Variants in GABBR1 observed in about 807,000 individuals in gnomAD.
GABBR1 encodes the protein gamma-aminobutyric acid type B receptor subunit 1, also known as GABA-B receptor, R1 subunit.
A neutral mutation model predicts 117.7 loss-of-function variants in GABBR1; 35 were observed. The ratio of observed to expected loss-of-function variants is 0.30; its 90% CI spans 0.23 to 0.39. The LOEUF (loss-of-function observed/expected upper bound fraction) is 0.39, where lower values mean the gene tolerates loss of function less well. Ranked by LOEUF, GABBR1 falls within the 10% of genes least tolerant of loss-of-function variation. The pLI is 1.00. For missense variants in GABBR1, 709 were observed against 1,241.8 expected (o/e 0.57, Z 6.45); for synonymous variants, 442 against 486.6 (o/e 0.91, Z 1.21).
chr6:29,623,851 G>A lies in GABBR1; in HGVS notation c.792+39C>T, dbSNP rs1186273569. 2 of 1,601,364 alleles carry A rather than the reference G, an allele frequency of 1.2e-6. No homozygotes were observed. Among genetic ancestry groups the A allele is most frequent in the Non-Finnish European group, 1.7e-6 (2 of 1,173,792 alleles). On this transcript the variant is annotated intron_variant, in intron 7 of 22. Coordinates refer to ENST00000377034, the MANE Select transcript of GABBR1 (RefSeq NM_001470.4). This position sits in a 1 kb window ranked among gnomAD's most constrained non-coding sequence, Gnocchi z 6.2. ...TCGTCCCTTCAGTAGAGCTCAAAAG[G>A]GAATGACCCCATCTTCTGACCCCCA...
chr6:29,608,754 G>A (rs1762224358), intron 15 of GABBR1, 21 bp from the exon 16 acceptor site: 2 of 1,610,242 alleles, frequency 1.2e-6, no homozygotes, highest in South Asian at 2.2e-5. Flanking sequence ...GGTGGAGAGG[G>A]TGAGAGGGAG....
intron 6 of GABBR1, 154 bp from the exon 7 acceptor site, chr6:29,624,178 C>T: frequency 1.4e-6 from 1 of 739,474 alleles, no homozygotes; most frequent in Non-Finnish European, 2.1e-6. Flanking sequence ...GCATCTCTTC[C>T]TGTCAAGTGC....
Position 29,606,078 on chromosome 6 carries a change from T to C in GABBR1, c.2311+313A>G. On this transcript the variant is annotated intron_variant, in intron 19 of 22. Transcript: ENST00000377034. The surrounding 1 kb of genome is among the most constrained non-coding windows in gnomAD (Gnocchi z 4.5). ...TTTGTGACCATGAATCGAACAATGC[T>C]AATAAGGCCAAGGGGGATCTAAAAG... 1 of 537,092 alleles carries C rather than the reference T, an allele frequency of 1.9e-6. No homozygotes were observed. Among genetic ancestry groups the C allele is most frequent in the East Asian group, 3.0e-5 (1 of 33,134 alleles). 33.3% of individuals were successfully genotyped at this position (537,092 alleles called of 1,614,324 possible).
At position 29,621,359 on chromosome 6, in the gene GABBR1, G is replaced by C; in HGVS notation, c.1132-67C>G. On this transcript the variant is annotated intron_variant, in intron 10 of 22. Transcript: ENST00000377034. The surrounding 1 kb of genome is among the most constrained non-coding windows in gnomAD (Gnocchi z 5.0). Reference sequence around the variant, plus strand: ...TGTTTGTTTTTGTCTTATCTCACTTGATACTATTTAGCCTCTTGGGAATCA... The same window carrying C: ...TGTTTGTTTTTGTCTTATCTCACTTCATACTATTTAGCCTCTTGGGAATCA... 7.7e-7 allele frequency: 1 copy of C among 1,293,444 alleles called. No homozygotes were observed. Among genetic ancestry groups the C allele is most frequent in the Admixed American group, 1.9e-5 (1 of 52,116 alleles). 80.1% of individuals were successfully genotyped at this position (1,293,444 alleles called of 1,614,324 possible).
At chr6:29,610,632 G>C (rs1762441641) in intron 14 of GABBR1, among the ~76,000 whole-genome samples, 1 of 151,958 alleles carries the variant, frequency 6.6e-6, no homozygotes, top group African/African-American at 2.4e-5. Context: ...AACCCAAATG[G>C]AGTTTCCATT....
In GABBR1 at chr6:29,632,780, A is replaced by T; in HGVS notation, c.-1+70T>A. The T allele has an allele frequency of 1.3e-6, 1 of 762,474 alleles. No homozygotes were observed. The highest frequency in any genetic ancestry group is 1.6e-6 in the Non-Finnish European group (1 of 631,950). 47.2% of individuals were successfully genotyped at this position (762,474 alleles called of 1,614,324 possible). ...CTTCCCCCAGCTGGGCCCTGCGCCCACTGCCCCCTCCCCCACCACGCCGCG... is the reference window on the plus strand; with the variant it reads ...CTTCCCCCAGCTGGGCCCTGCGCCCTCTGCCCCCTCCCCCACCACGCCGCG... On this transcript the variant is annotated intron_variant, in intron 1 of 22. Transcript: ENST00000377034. The surrounding 1 kb of genome is among the most constrained non-coding windows in gnomAD (Gnocchi z 5.8).
Position 29,605,061 on chromosome 6 carries a change from G to A in GABBR1, c.2440-73C>T. On this transcript the variant is annotated intron_variant, in intron 20 of 22. Transcript: ENST00000377034. The surrounding 1 kb of genome is among the most constrained non-coding windows in gnomAD (Gnocchi z 4.2). ...CAAGATCCAGAGTTTACTTCCCATG[G>A]GAGGGAGTCTATGCAGACAGTTTCC... 1 of 1,459,892 alleles carries A rather than the reference G, an allele frequency of 6.8e-7. No individual in the cohort carries two copies. Among genetic ancestry groups the A allele is most frequent in the Non-Finnish European group, 9.2e-7 (1 of 1,088,976 alleles). 90.4% of individuals were successfully genotyped at this position (1,459,892 alleles called of 1,614,324 possible). A position where few individuals can be genotyped will look rare whatever the true frequency, so the allele number is the denominator to read the frequency against.
chr6:29,627,444 CGCAAGCCCCCACCTCCCA>C lies in GABBR1; in HGVS notation c.657+24_657+41del. 1 of 1,385,576 alleles carries C rather than the reference CGCAAGCCCCCACCTCCCA, an allele frequency of 7.2e-7. No individual in the cohort carries two copies. Among genetic ancestry groups the C allele is most frequent in the Non-Finnish European group, 1.0e-6 (1 of 1,004,164 alleles). The allele number at this position is 1,385,576 out of a possible 1,614,324, so 85.8% of individuals were successfully genotyped here. A position where few individuals can be genotyped will look rare whatever the true frequency, so the allele number is the denominator to read the frequency against. On this transcript the variant is annotated intron_variant, in intron 6 of 22. Transcript: ENST00000377034. This position sits in a 1 kb window ranked among gnomAD's most constrained non-coding sequence, Gnocchi z 4.4. ...CGTGCAGCTGGCTGGCCCCCTGCCCCGCAAGCCCCCACCTCCCACCCACCCCCATGTCCAGGGCTACCT... is the reference window on the plus strand; with the variant it reads ...CGTGCAGCTGGCTGGCCCCCTGCCCCCCCACCCCCATGTCCAGGGCTACCT...
rs76922888 is a variant in GABBR1 at position 29,632,353 on chromosome 6, G to T, written c.33C>A (p.Phe11Leu). ...CCCCGCCCGCGCCCGGGGGGCGGAG[G>T]AAGAGTGGCGCCAGTAGCAGCAGCA... MLLLLLLAPL[F>L]LRPPGAGGAQ... is the part of the protein sequence containing the mutation. The change falls in exon 2 of 23, where the codon TTC becomes TTA. Residue 11 changes from phenylalanine to leucine, a missense_variant. Physicochemically the swap from Phe to Leu is conservative, Grantham distance 22. This residue lies in a region of GABBR1 where 43 missense variants were observed against 42.8 expected (regional missense o/e 1.00). Transcript: ENST00000377034. The surrounding 1 kb of genome is among the most constrained non-coding windows in gnomAD (Gnocchi z 5.8). 5 of 1,360,308 alleles carry T rather than the reference G, an allele frequency of 3.7e-6. No individual in the cohort carries two copies. The highest frequency in any genetic ancestry group is 4.8e-6 in the Non-Finnish European group (5 of 1,052,086). 84.3% of individuals were successfully genotyped at this position (1,360,308 alleles called of 1,614,324 possible). A position where few individuals can be genotyped will look rare whatever the true frequency, so the allele number is the denominator to read the frequency against.
chr6:29,627,762 C>G lies in GABBR1; in HGVS notation c.497-116G>C. On this transcript the variant is annotated intron_variant, in intron 5 of 22. Transcript: ENST00000377034. This position sits in a 1 kb window ranked among gnomAD's most constrained non-coding sequence, Gnocchi z 4.4. ...CAACCAGAAGCGGCAGTGGCCACCC[C>G]ACCCGGGCAAAAGGGGCCCCGGGCC... 2 of 1,479,368 alleles carry G rather than the reference C, an allele frequency of 1.4e-6. No homozygotes were observed. The highest frequency in any genetic ancestry group is 1.8e-6 in the Non-Finnish European group (2 of 1,120,804). 91.6% of individuals were successfully genotyped at this position (1,479,368 alleles called of 1,614,324 possible).
At position 29,606,093 on chromosome 6, in the gene GABBR1, G is replaced by T. The variant is rs1181391267; in HGVS notation, c.2311+298C>A. 3 of 545,190 alleles carry T rather than the reference G, an allele frequency of 5.5e-6. No homozygotes were observed. The highest frequency in any genetic ancestry group is 1.9e-5 in the African/African-American group (1 of 53,258). The allele number at this position is 545,190 out of a possible 1,614,324, so 33.8% of individuals were successfully genotyped here. ...CGAACAATGCTAATAAGGCCAAGGG[G>T]GATCTAAAAGATAATGTCAAGTCTG... is the stretch of plus-strand genomic sequence containing the variant. On this transcript the variant is annotated intron_variant, in intron 19 of 22. Coordinates refer to ENST00000377034, the MANE Select transcript of GABBR1 (RefSeq NM_001470.4). The surrounding 1 kb of genome is among the most constrained non-coding windows in gnomAD (Gnocchi z 4.5).
rs1762319017 is a variant in GABBR1 at position 29,609,561 on chromosome 6, C to T, written c.1709-182G>A. On this transcript the variant is annotated intron_variant, in intron 14 of 22. Transcript: ENST00000377034. The surrounding 1 kb of genome is among the most constrained non-coding windows in gnomAD (Gnocchi z 4.3). The stretch of plus-strand genomic sequence containing the variant: ...GTTACTGCAGGCAGAATGCTCAGTG[C>T]CACTGGGGCCGTTAGGAAGCAACCA... Among the ~76,000 whole-genome samples, 1 of 152,182 alleles carries T rather than the reference C, an allele frequency of 6.6e-6. No individual in the cohort carries two copies. Among genetic ancestry groups the T allele is most frequent in the Non-Finnish European group, 1.5e-5 (1 of 68,034 alleles).
Position 29,605,137 on chromosome 6 carries a change from A to G in GABBR1, c.2440-149T>C. ...TCCAAATTCAGGATCATCCTCAAAT[A>G]TAGATTGAGAAAAATCTCAAACTGT... On this transcript the variant is annotated intron_variant, in intron 20 of 22. Coordinates refer to ENST00000377034, the MANE Select transcript of GABBR1 (RefSeq NM_001470.4). The surrounding 1 kb of genome is among the most constrained non-coding windows in gnomAD (Gnocchi z 4.2). 1.2e-6 allele frequency: 1 copy of G among 848,162 alleles called. No individual in the cohort carries two copies. Among genetic ancestry groups the G allele is most frequent in the Non-Finnish European group, 1.8e-6 (1 of 566,588 alleles). 52.5% of individuals were successfully genotyped at this position (848,162 alleles called of 1,614,324 possible). A position where few individuals can be genotyped will look rare whatever the true frequency, so the allele number is the denominator to read the frequency against.
In GABBR1 at chr6:29,624,045, A is replaced by C. The variant is rs761874391; in HGVS notation, c.658-21T>G. ...TCACACTGAAAGACAAGAGGAGATGAGGGCAAGCTCTCCTGGGGCCCCTCC... is the reference window on the plus strand; with the variant it reads ...TCACACTGAAAGACAAGAGGAGATGCGGGCAAGCTCTCCTGGGGCCCCTCC... On this transcript the variant is annotated intron_variant, in intron 6 of 22. Transcript: ENST00000377034. The C allele has an allele frequency of 3.1e-6, 5 of 1,595,918 alleles. No homozygotes were observed. In the African/African-American group the frequency reaches 6.7e-5, roughly 21 times the overall value.
rs1763834189 is a variant in GABBR1, at chr6:29,622,269, A to G, written c.964-64T>C. On this transcript the variant is annotated intron_variant, in intron 8 of 22. Coordinates refer to ENST00000377034, the MANE Select transcript of GABBR1 (RefSeq NM_001470.4). This position sits in a 1 kb window ranked among gnomAD's most constrained non-coding sequence, Gnocchi z 4.6. ...GTGCATGAGGGAATAAAGACCAGAG[A>G]GGTTAACTGGGGATTTCAGAGCAAT... is the stretch of plus-strand genomic sequence containing the variant. 1 of 1,082,050 alleles carries G rather than the reference A, an allele frequency of 9.2e-7. No homozygotes were observed. Among genetic ancestry groups the G allele is most frequent in the Non-Finnish European group, 1.4e-6 (1 of 704,240 alleles). 67.0% of individuals were successfully genotyped at this position (1,082,050 alleles called of 1,614,324 possible). A position where few individuals can be genotyped will look rare whatever the true frequency, so the allele number is the denominator to read the frequency against.
chr6:29,609,511 G>A lies in GABBR1; in HGVS notation c.1709-132C>T. 1.3e-6 allele frequency: 1 copy of A among 765,592 alleles called. No homozygotes were observed. The highest frequency in any genetic ancestry group is 2.1e-6 in the Non-Finnish European group (1 of 468,484). The allele number at this position is 765,592 out of a possible 1,614,324, so 47.4% of individuals were successfully genotyped here. ...ACATTCAGTCATTGGCTGGGGACAT[G>A]AGGCCCTAACTGCACTGGACAGAGG... On this transcript the variant is annotated intron_variant, in intron 14 of 22. Coordinates refer to ENST00000377034, the MANE Select transcript of GABBR1 (RefSeq NM_001470.4). This position sits in a 1 kb window ranked among gnomAD's most constrained non-coding sequence, Gnocchi z 4.3.
rs1481780317 is a variant in GABBR1, at chr6:29,627,540, G to A, written c.603C>T (p.Ser201=). The change falls in exon 6 of 23, where the codon AGC becomes AGT. Residue 201 remains serine (S), a synonymous_variant. Coordinates refer to ENST00000377034, the MANE Select transcript of GABBR1 (RefSeq NM_001470.4). The surrounding 1 kb of genome is among the most constrained non-coding windows in gnomAD (Gnocchi z 4.4). ...CATAGTCCGGCAGGATGTCCCTGCG[G>A]CTATTCACGTCCTCCAGCGCCATCT... is the stretch of plus-strand genomic sequence containing the variant. ...AVEMALEDVN[S]RRDILPDYEL... 1.2e-6 allele frequency: 2 copies of A among 1,600,860 alleles called. No individual in the cohort carries two copies. The highest frequency in any genetic ancestry group is 2.3e-5 in the East Asian group (1 of 44,140).
Position 29,627,438 on chromosome 6 carries a change from C to T in GABBR1, c.657+48G>A, listed in dbSNP as rs1199949139. ...GGGGCGCGTGCAGCTGGCTGGCCCCCTGCCCCGCAAGCCCCCACCTCCCAC... is the reference window on the plus strand; with the variant it reads ...GGGGCGCGTGCAGCTGGCTGGCCCCTTGCCCCGCAAGCCCCCACCTCCCAC... On this transcript the variant is annotated intron_variant, in intron 6 of 22. Coordinates refer to ENST00000377034, the MANE Select transcript of GABBR1 (RefSeq NM_001470.4). This position sits in a 1 kb window ranked among gnomAD's most constrained non-coding sequence, Gnocchi z 4.4. The T allele has an allele frequency of 2.6e-6, 4 of 1,517,526 alleles. No individual in the cohort carries two copies. Among genetic ancestry groups the T allele is most frequent in the Admixed American group, 2.1e-5 (1 of 48,600 alleles). The allele number at this position is 1,517,526 out of a possible 1,614,324, so 94.0% of individuals were successfully genotyped here.
rs866099396 is a variant in GABBR1 at position 29,608,389 on chromosome 6, C to T, written c.1992+212G>A. 4 of 537,394 alleles carry T rather than the reference C, an allele frequency of 7.4e-6. No individual in the cohort carries two copies. The South Asian group carries it at 1.1e-4, about 14-fold the overall frequency. The allele number at this position is 537,394 out of a possible 1,614,324, so 33.3% of individuals were successfully genotyped here. ...CCTGCCATGGCAACCTTGGAACTGACAAGTAAACTACAGAATGAAAATGGC... is the reference window on the plus strand; with the variant it reads ...CCTGCCATGGCAACCTTGGAACTGATAAGTAAACTACAGAATGAAAATGGC... On this transcript the variant is annotated intron_variant, in intron 16 of 22. Transcript: ENST00000377034.
Sources: gnomAD v4.1 joint callset for allele counts (sites outside exome capture counted in the v4.1 genomes callset) on GRCh38, gnomAD v4.1.1 for gene constraint, gnomAD v4.1.1 regional missense constraint, Gnocchi (gnomAD v3.1) non-coding constraint, MANE v1.5 for transcripts, NCBI Gene and HGNC (gene_info 2026-07-23, HGNC 2026-07-21) for gene names.